Variants in ZNF462 observed in about 807,000 individuals in gnomAD.
ZNF462 encodes the protein zinc finger protein 462.
Under a neutral mutation model 201.9 loss-of-function variants are expected in ZNF462, and 10 were observed. The ratio of observed to expected loss-of-function variants is 0.05; its 90% CI spans 0.03 to 0.08. ZNF462 has a LOEUF of 0.08. Ranked by LOEUF, ZNF462 falls within the 10% of genes least tolerant of loss-of-function variation. The probability of loss-of-function intolerance (pLI) is 1.00; values close to 1 mark genes in which losing one functional copy is unlikely to be tolerated. For synonymous variants in ZNF462, 1,227 were observed against 1,193.3 expected (o/e 1.03, Z -0.58); for missense variants, 2,523 against 3,168.3 (o/e 0.80, Z 4.89).
chr9:106,939,225 G>A (rs1161848630), intron 7 of ZNF462, 118 bp downstream of exon 7: 5 of 1,117,098 alleles, frequency 4.5e-6, no homozygotes, highest in Non-Finnish European at 5.0e-6. Context: ...TTCAAGTGAA[G>A]GAAGAAATAT....
At chr9:106,989,387 C>A (rs1319261432) in intron 10 of ZNF462, among the ~76,000 whole-genome samples, 1 of 152,074 alleles carries the variant, frequency 6.6e-6, no homozygotes, top group African/African-American at 2.4e-5. Flanking sequence ...TGGTATGAAA[C>A]CCACTTGATC....
intron 7 of ZNF462, among the ~76,000 whole-genome samples, chr9:106,960,479 AAC>A (rs1564133655): frequency 6.6e-6 from 1 of 152,116 alleles, no homozygotes; most frequent in Admixed American, 6.5e-5. Context: ...TTTTGTGCTC[AAC>A]ACTTTTTGTT....
chr9:106,989,431 T>G (rs1828100000), intron 10 of ZNF462, among the ~76,000 whole-genome samples: 1 of 152,130 alleles, frequency 6.6e-6, no homozygotes, highest in Admixed American at 6.6e-5. Flanking sequence ...GTTGTTGAGT[T>G]TGGTTAGCTA....
rs79522415 is a variant in ZNF462, at chr9:106,980,491, T to C, written c.6833-3695T>C. Among the ~76,000 whole-genome samples the C allele has an allele frequency of 1.1e-3, 164 of 152,272 alleles. 4 individuals are homozygous for C. In the East Asian group the frequency reaches 0.03, roughly 28 times the overall value. On this transcript the variant is annotated intron_variant, in intron 9 of 12. Transcript: ENST00000277225. ...GGATTTTTGCTAGTTGAATCTGGGCTCTGCAGTGGTGTGGTTTCTCGCCAA... is the reference window on the plus strand; with the variant it reads ...GGATTTTTGCTAGTTGAATCTGGGCCCTGCAGTGGTGTGGTTTCTCGCCAA...
chr9:106,928,654 T>C lies in ZNF462; in HGVS notation c.4742T>C (p.Leu1581Pro). Residue 1581 changes from leucine to proline, a missense_variant, in exon 3 of 13, where the codon CTG (leucine) becomes CCG (proline). Physicochemically the swap from Leu to Pro is moderately conservative, Grantham distance 98. Transcript: ENST00000277225. This position sits in a 1 kb window ranked among gnomAD's most constrained non-coding sequence, Gnocchi z 9.3. ...KQGYGAYRCK[L>P]CPYTHGTLEK... Reference sequence around the variant, plus strand: ...GGGTATGGCGCCTACCGGTGCAAACTGTGTCCGTACACACACGGCACTTTG... The same window carrying C: ...GGGTATGGCGCCTACCGGTGCAAACCGTGTCCGTACACACACGGCACTTTG... 6.2e-7 allele frequency: 1 copy of C among 1,614,166 alleles called. No individual in the cohort carries two copies. The highest frequency in any genetic ancestry group is 8.5e-7 in the Non-Finnish European group (1 of 1,180,040).
At position 106,974,354 on chromosome 9, in the gene ZNF462, T is replaced by C; in HGVS notation, c.6832+81T>C. ...GCCTTCTAGGGATGCTCTCTCAGAG[T>C]GGCAGTAGCACCTGTGCCTTGTTCC... is the stretch of plus-strand genomic sequence containing the variant. On this transcript the variant is annotated intron_variant, in intron 9 of 12. Transcript: ENST00000277225. This position sits in a 1 kb window ranked among gnomAD's most constrained non-coding sequence, Gnocchi z 4.0. The C allele has an allele frequency of 6.3e-7, 1 of 1,592,784 alleles. No homozygotes were observed. The highest frequency in any genetic ancestry group is 8.6e-7 in the Non-Finnish European group (1 of 1,161,060).
chr9:106,926,144 G>A lies in ZNF462; in HGVS notation c.2232G>A (p.Pro744=), dbSNP rs751088717. 3.7e-5 allele frequency: 59 copies of A among 1,614,018 alleles called. No individual in the cohort carries two copies. The Admixed American group carries it at 5.3e-4, about 15-fold the overall frequency. ...IEVELDREEE[P]TEPIIEVPTS... ...TTGAGTTGGACAGGGAGGAAGAACC[G>A]ACAGAACCCATCATAGAGGTTCCCA... The change falls in exon 3 of 13, where the codon CCG becomes CCA. Residue 744 remains proline, a synonymous_variant. Coordinates refer to ENST00000277225, the MANE Select transcript of ZNF462 (RefSeq NM_021224.6). This position sits in a 1 kb window ranked among gnomAD's most constrained non-coding sequence, Gnocchi z 7.9.
chr9:106,958,954 A>G (rs1439104751), intron 7 of ZNF462, among the ~76,000 whole-genome samples: 1 of 152,120 alleles, frequency 6.6e-6, no homozygotes, highest in Non-Finnish European at 1.5e-5. Context: ...ATCTTGAAGA[A>G]TATTGAAAAG....
rs951203729 is a variant in ZNF462, at chr9:106,968,864, C to A, written c.6428-3141C>A. 6.6e-6 allele frequency among the ~76,000 whole-genome samples: 1 copy of A among 152,102 alleles called. No individual in the cohort carries two copies. Among genetic ancestry groups the A allele is most frequent in the Non-Finnish European group, 1.5e-5 (1 of 68,016 alleles). On this transcript the variant is annotated intron_variant, in intron 7 of 12. Transcript: ENST00000277225. This position sits in a 1 kb window ranked among gnomAD's most constrained non-coding sequence, Gnocchi z 4.0. Reference sequence around the variant, plus strand: ...ATGATTTTTAACTTATGTGACATGCCCTTCGCAGCTAACAATCTGTTTGCC... The same window carrying A: ...ATGATTTTTAACTTATGTGACATGCACTTCGCAGCTAACAATCTGTTTGCC...
rs1828208308 is a variant in ZNF462 at position 106,883,919 on chromosome 9, G to A, written c.-31+20564G>A. Reference sequence around the variant, plus strand: ...TGTAGGTCTAGTCTGCTAATTGCTGGATATTTGGGTGGCAATAGAGGAAGC... The same window carrying A: ...TGTAGGTCTAGTCTGCTAATTGCTGAATATTTGGGTGGCAATAGAGGAAGC... On this transcript the variant is annotated intron_variant, in intron 1 of 12. Transcript: ENST00000277225. This position sits in a 1 kb window ranked among gnomAD's most constrained non-coding sequence, Gnocchi z 4.9. Among the ~76,000 whole-genome samples, 1 of 152,162 alleles carries A rather than the reference G, an allele frequency of 6.6e-6. No individual in the cohort carries two copies. The highest frequency in any genetic ancestry group is 1.5e-5 in the Non-Finnish European group (1 of 68,038).
intron 10 of ZNF462, among the ~76,000 whole-genome samples, chr9:106,995,162 AGTACTTGTGTCTGAAGTTAT>A (rs1828610125): frequency 1.3e-5 from 2 of 152,200 alleles, no homozygotes; most frequent in South Asian, 2.1e-4. Flanking sequence ...AGCTTCCTTG[AGTACTTGTGTCTGAAGTTAT>A]GCTGAGTGTC....
In ZNF462 at chr9:106,876,417, TTCTTGG is replaced by T. The variant is rs1337239145; in HGVS notation, c.-31+13067_-31+13072del. On this transcript the variant is annotated intron_variant, in intron 1 of 12. Transcript: ENST00000277225. The surrounding 1 kb of genome is among the most constrained non-coding windows in gnomAD (Gnocchi z 4.9). The stretch of plus-strand genomic sequence containing the variant: ...TATGGTCAGTATATTAGGTATTTTG[TTCTTGG>T]TCTTAAAGTCAGCTTTTGGAATCCT... Among the ~76,000 whole-genome samples, 2 of 152,226 alleles carry T rather than the reference TTCTTGG, an allele frequency of 1.3e-5. No individual in the cohort carries two copies. Among genetic ancestry groups the T allele is most frequent in the Non-Finnish European group, 1.5e-5 (1 of 68,044 alleles).
chr9:107,009,233 T>G lies in ZNF462; in HGVS notation c.7190-312T>G. Reference sequence around the variant, plus strand: ...AAGGGAGAGAATAAATCGGAAAAAATAATGCTCAGATTCCTTTGGAATCTC... The same window carrying G: ...AAGGGAGAGAATAAATCGGAAAAAAGAATGCTCAGATTCCTTTGGAATCTC... On this transcript the variant is annotated intron_variant, in intron 11 of 12. Transcript: ENST00000277225. This position sits in a 1 kb window ranked among gnomAD's most constrained non-coding sequence, Gnocchi z 6.1. 1 of 326,626 alleles carries G rather than the reference T, an allele frequency of 3.1e-6. No homozygotes were observed. The highest frequency in any genetic ancestry group is 2.1e-5 in the African/African-American group (1 of 48,080). 20.2% of individuals were successfully genotyped at this position (326,626 alleles called of 1,614,324 possible).
At position 106,925,572 on chromosome 9, in the gene ZNF462, C is replaced by T. The variant is rs200172520; in HGVS notation, c.1660C>T (p.Pro554Ser). The T allele has an allele frequency of 1.0e-4, 169 of 1,612,958 alleles. No homozygotes were observed. The East Asian group carries it at 3.7e-3, about 35-fold the overall frequency. ...ACCACCACCGCCGCCGCCACCACCA[C>T]CATCACAGCCACAGCCACTGCAGCA... is the stretch of plus-strand genomic sequence containing the variant. ...QPPPPPPPPPPSQPQPLQQPQ... is the reference protein window; with the variant it reads ...QPPPPPPPPPSSQPQPLQQPQ... The change falls in exon 3 of 13, where the codon CCA becomes TCA. Residue 554 changes from proline (P) to serine (S), a missense_variant. By Grantham distance (74) the Pro-to-Ser change is moderately conservative. Transcript: ENST00000277225. The surrounding 1 kb of genome is among the most constrained non-coding windows in gnomAD (Gnocchi z 7.9).
rs142670472 is a variant in ZNF462 at position 106,908,250 on chromosome 9, A to T, written c.-30-15104A>T. On this transcript the variant is annotated intron_variant, in intron 1 of 12. Transcript: ENST00000277225. ...CAGTTCTATGAATTACATGAATTTT[A>T]TCCTTGGTGGTCTTTCTCCAATTAA... Among the ~76,000 whole-genome samples, 447 of 152,250 alleles carry T rather than the reference A, an allele frequency of 2.9e-3. 4 individuals are homozygous for T. The highest frequency in any genetic ancestry group is 0.01 in the African/African-American group (433 of 41,560).
Position 106,948,430 on chromosome 9 carries a change from G to C in ZNF462, c.6427+9323G>C, listed in dbSNP as rs144986789. On this transcript the variant is annotated intron_variant, in intron 7 of 12. Transcript: ENST00000277225. ...AGGAATGTGCAATGAAATCAGTCAT[G>C]GGTAGTAGTCACCTTCTTTTGAGAT... 1.1e-3 allele frequency among the ~76,000 whole-genome samples: 162 copies of C among 152,296 alleles called. 5 individuals are homozygous for C. The East Asian group carries it at 0.026, about 24-fold the overall frequency.
upstream of ZNF462, among the ~76,000 whole-genome samples, chr9:106,860,254 G>A (rs1164252896): frequency 6.6e-6 from 1 of 152,204 alleles, no homozygotes; most frequent in East Asian, 1.9e-4. The surrounding 1 kb of genome is among the most constrained non-coding windows in gnomAD (Gnocchi z 7.1). Context: ...TTGCAGCGCA[G>A]GTTAATTTCT....
intron 7 of ZNF462, 47 bp downstream of exon 7, chr9:106,939,154 G>T: frequency 6.9e-7 from 1 of 1,447,612 alleles, no homozygotes; most frequent in Non-Finnish European, 9.2e-7. Context: ...GGGTTGAGGT[G>T]GGCTGGGATT....
At chr9:106,934,719 G>A (rs1028124523) in intron 5 of ZNF462, among the ~76,000 whole-genome samples, 1 of 152,204 alleles carries the variant, frequency 6.6e-6, no homozygotes, top group Non-Finnish European at 1.5e-5. Flanking sequence ...AGGGAATTTA[G>A]TTCTCTGGAG....
Sources: allele counts gnomAD v4.1 joint callset (sites outside exome capture counted in the v4.1 genomes callset), GRCh38; gene constraint gnomAD v4.1.1; non-coding constraint Gnocchi (gnomAD v3.1); transcripts MANE v1.5; gene names NCBI Gene and HGNC (gene_info 2026-07-23, HGNC 2026-07-21).